Variants in FMN1 observed in about 807,000 individuals in gnomAD.
FMN1 encodes formin 1, also known as formin-1.
In FMN1, 110 loss-of-function variants were observed where a neutral mutation model predicts 132.4. The ratio of observed to expected loss-of-function variants is 0.83; its 90% CI spans 0.71 to 0.97. The LOEUF (loss-of-function observed/expected upper bound fraction) is 0.97. Among genes scored for constraint, FMN1 ranks in the 50% least tolerant of loss-of-function variants. The pLI, the probability that FMN1 is intolerant of heterozygous loss-of-function variation, is 0.00. For synonymous variants in FMN1, 722 were observed against 651.7 expected (o/e 1.11, Z -1.64); for missense variants, 1,792 against 1,705.3 (o/e 1.05, Z -0.90).
chr15:33,052,450 G>A (rs1179515671), intron 6 of FMN1, among the ~76,000 whole-genome samples: 1 of 152,124 alleles, frequency 6.6e-6, no homozygotes, highest in Non-Finnish European at 1.5e-5. Flanking sequence ...TACACAAAAA[G>A]GAAAACAGTT....
intron 9 of FMN1, among the ~76,000 whole-genome samples, chr15:32,927,068 G>A (rs1044253012): frequency 1.3e-5 from 2 of 152,004 alleles, no homozygotes; most frequent in African/African-American, 4.8e-5. Context: ...AAGTGCTGGG[G>A]TTACAGGCAT....
chr15:32,917,937 AC>A (rs1420274305), intron 10 of FMN1, among the ~76,000 whole-genome samples: 1 of 152,224 alleles, frequency 6.6e-6, no homozygotes, highest in Non-Finnish European at 1.5e-5. Flanking sequence ...TTTAGTATAT[AC>A]ATTCATAGTT....
intron 4 of FMN1, among the ~76,000 whole-genome samples, chr15:33,117,900 T>G (rs1185227276): frequency 6.6e-6 from 1 of 152,206 alleles, no homozygotes; most frequent in East Asian, 1.9e-4. Context: ...CTGTTCTTCA[T>G]CTAGTTTAGG....
chr15:33,037,898 A>T (rs2036258936), intron 6 of FMN1, among the ~76,000 whole-genome samples: 1 of 152,244 alleles, frequency 6.6e-6, no homozygotes, highest in Non-Finnish European at 1.5e-5. Flanking sequence ...TGCAAAGAAT[A>T]AATTCTGAGT....
chr15:33,026,888 T>C (rs1254059250), intron 6 of FMN1, among the ~76,000 whole-genome samples: 2 of 152,278 alleles, frequency 1.3e-5, no homozygotes, highest in Middle Eastern at 3.4e-3. Flanking sequence ...GGTGGAAAAG[T>C]ACTCCAAAAT....
chr15:32,928,978 C>T (rs1240551499), intron 9 of FMN1, among the ~76,000 whole-genome samples: 2 of 152,192 alleles, frequency 1.3e-5, no homozygotes, highest in African/African-American at 4.8e-5. Context: ...GGCAAATCTA[C>T]CCCTCACCCC....
At chr15:33,178,569 C>T (rs1965594250) in intron 3 of FMN1, among the ~76,000 whole-genome samples, 1 of 152,158 alleles carries the variant, frequency 6.6e-6, no homozygotes, top group Non-Finnish European at 1.5e-5. Context: ...GGGTTTCCCT[C>T]CCTCCTTAAC....
chr15:32,782,856 T>C (rs567267640), intron 19 of FMN1, among the ~76,000 whole-genome samples: 5 of 152,150 alleles, frequency 3.3e-5, no homozygotes, highest in Admixed American at 6.5e-5. Flanking sequence ...TGCAGCAACA[T>C]AGATGGAGCT....
intron 4 of FMN1, among the ~76,000 whole-genome samples, chr15:33,126,728 A>G (rs1378537767): frequency 2.0e-5 from 3 of 152,228 alleles, no homozygotes; most frequent in Admixed American, 6.5e-5. Flanking sequence ...CGCTACAGGC[A>G]GGCTGGAGCA....
intron 15 of FMN1, among the ~76,000 whole-genome samples, chr15:32,888,568 C>T (rs896797309): frequency 1.1e-4 from 17 of 152,264 alleles, no homozygotes; most frequent in Middle Eastern, 6.8e-3. Context: ...ATTGTCAGGT[C>T]GTCCTGATCT....
chr15:32,991,507 T>C lies in FMN1; in HGVS notation c.2223+16507A>G, dbSNP rs116337072. Among the ~76,000 whole-genome samples, 809 of 152,246 alleles carry C rather than the reference T, an allele frequency of 5.3e-3. 9 individuals are homozygous for C. Among genetic ancestry groups the C allele is most frequent in the African/African-American group, 0.019 (771 of 41,538 alleles). ...ATCGAAAATCACAATCTAGGGAGCATCAGGGCTGTGATTCAAAGCTGAGTC... is the reference window on the plus strand; with the variant it reads ...ATCGAAAATCACAATCTAGGGAGCACCAGGGCTGTGATTCAAAGCTGAGTC... On this transcript the variant is annotated intron_variant, in intron 7 of 20. Coordinates refer to ENST00000616417, the MANE Select transcript of FMN1 (RefSeq NM_001277313.2).
chr15:33,028,337 T>C (rs532714223), intron 6 of FMN1, among the ~76,000 whole-genome samples: 1 of 152,248 alleles, frequency 6.6e-6, no homozygotes, highest in South Asian at 2.1e-4. Context: ...CATTTGACTC[T>C]CACTCCAAGC....
intron 9 of FMN1, among the ~76,000 whole-genome samples, chr15:32,956,929 G>T (rs1380859040): frequency 6.6e-6 from 1 of 152,072 alleles, no homozygotes; most frequent in African/African-American, 2.4e-5. Flanking sequence ...TGGGATTTGA[G>T]AATTACAGCT....
At position 32,926,163 on chromosome 15, in the gene FMN1, A is replaced by G. The variant is rs375080159; in HGVS notation, c.3226+11T>C. On this transcript the variant is annotated intron_variant, in intron 10 of 20. Coordinates refer to ENST00000616417, the MANE Select transcript of FMN1 (RefSeq NM_001277313.2). ...GGAAAAAGTAAAACAAAAGTGATAGAAAAGACTTACCCTGTTGGATATCCT... is the reference window on the plus strand; with the variant it reads ...GGAAAAAGTAAAACAAAAGTGATAGGAAAGACTTACCCTGTTGGATATCCT... 53 of 1,379,664 alleles carry G rather than the reference A, an allele frequency of 3.8e-5. No homozygotes were observed. The African/African-American group carries it at 5.1e-4, about 13-fold the overall frequency. 85.5% of individuals were successfully genotyped at this position (1,379,664 alleles called of 1,614,324 possible).
rs1190554231 is a variant in FMN1 at position 33,054,179 on chromosome 15, C to G, written c.2161+10778G>C. 2.0e-5 allele frequency among the ~76,000 whole-genome samples: 3 copies of G among 152,260 alleles called. No homozygotes were observed. In the East Asian group the frequency reaches 5.8e-4, roughly 29 times the overall value. ...ATGGGCTCATTGAATAATAAAAAAT[C>G]CACATATTACTCCTATTTCTCAGGA... On this transcript the variant is annotated intron_variant, in intron 6 of 20. Transcript: ENST00000616417.
intron 17 of FMN1, among the ~76,000 whole-genome samples, chr15:32,812,232 G>A (rs1273784211): frequency 1.3e-5 from 2 of 152,170 alleles, no homozygotes; most frequent in African/African-American, 4.8e-5. Flanking sequence ...CAATGGCAGA[G>A]ATAGGGCAGT....
intron 3 of FMN1, among the ~76,000 whole-genome samples, chr15:33,161,450 C>T (rs1412849802): frequency 6.6e-6 from 1 of 152,152 alleles, no homozygotes; most frequent in Admixed American, 6.5e-5. Flanking sequence ...GGTAGTTCTC[C>T]TCCAGCTGCA....
chr15:32,984,705 T>TA (rs1246257140), intron 7 of FMN1, among the ~76,000 whole-genome samples: 1 of 152,154 alleles, frequency 6.6e-6, no homozygotes, highest in Non-Finnish European at 1.5e-5. Flanking sequence ...GTGGTGGCCT[T>TA]AGAGAAAAGC....
chr15:33,022,456 G>C (rs993631611), intron 6 of FMN1, among the ~76,000 whole-genome samples: 15 of 152,244 alleles, frequency 9.9e-5, no homozygotes, highest in African/African-American at 3.4e-4. Context: ...AGAAATATCA[G>C]AACAAATAAG....
Sources: gnomAD v4.1 joint callset for allele counts (sites outside exome capture counted in the v4.1 genomes callset) on GRCh38, gnomAD v4.1.1 for gene constraint, MANE v1.5 for transcripts, NCBI Gene and HGNC (gene_info 2026-07-23, HGNC 2026-07-21) for gene names.